Variants in RARA observed in about 807,000 individuals in gnomAD.
RARA encodes the protein retinoic acid receptor alpha.
Under a neutral mutation model 42.8 loss-of-function variants are expected in RARA, and 5 were observed. The ratio of observed to expected loss-of-function variants is 0.12; its 90% CI spans 0.06 to 0.25. RARA has a LOEUF of 0.25. Among genes scored for constraint, RARA ranks in the 10% least tolerant of loss-of-function variants. The pLI is 1.00. For synonymous variants in RARA, 256 were observed against 259.5 expected, an observed-to-expected ratio of 0.99 and a Z score of 0.13; for missense variants, 402 against 628.7, an observed-to-expected ratio of 0.64 and a Z score of 3.86.
rs1227325058 is a variant in RARA at position 40,330,968 on chromosome 17, A to C, written c.-251A>C. 7 of 461,014 alleles carry C rather than the reference A, an allele frequency of 1.5e-5. No homozygotes were observed. In the East Asian group the frequency reaches 2.2e-4, roughly 14 times the overall value. 28.6% of individuals were successfully genotyped at this position (461,014 alleles called of 1,614,324 possible). ...ACCTTCCCAGGAAAAGTGCCAGCTCACAGAACTGCTTGACCAAAGGACCGG... is the reference window on the plus strand; with the variant it reads ...ACCTTCCCAGGAAAAGTGCCAGCTCCCAGAACTGCTTGACCAAAGGACCGG... On this transcript the variant is annotated 5_prime_UTR_variant, in exon 2 of 9. Coordinates refer to ENST00000254066, the MANE Select transcript of RARA (RefSeq NM_000964.4).
In RARA at chr17:40,355,978, G is replaced by A. The variant is rs372950826; in HGVS notation, c.1172-31G>A. 1.0e-4 allele frequency: 161 copies of A among 1,565,314 alleles called. No homozygotes were observed. The highest frequency in any genetic ancestry group is 2.1e-4 in the Middle Eastern group (1 of 4,738). On this transcript the variant is annotated intron_variant, in intron 8 of 8. Coordinates refer to ENST00000254066, the MANE Select transcript of RARA (RefSeq NM_000964.4). The surrounding 1 kb of genome is among the most constrained non-coding windows in gnomAD (Gnocchi z 4.1). ...CTGGGGGTGGGAGGGCTGGCCCAGC[G>A]TGCTGACCTCTGCCCCCTCCTTTCC...
chr17:40,343,627 G>C (rs1415245475), intron 2 of RARA, among the ~76,000 whole-genome samples: 1 of 152,176 alleles, frequency 6.6e-6, no homozygotes, highest in Non-Finnish European at 1.5e-5. Flanking sequence ...TGGGGAATGA[G>C]TTTGTTTTTG....
intron 2 of RARA, among the ~76,000 whole-genome samples, chr17:40,331,900 C>T (rs578087364): frequency 9.9e-5 from 15 of 152,280 alleles, no homozygotes; most frequent in African/African-American, 2.4e-4. Flanking sequence ...GCTCCACCCC[C>T]GGCCATGCTA....
At chr17:40,339,578 G>A (rs755541073) in intron 2 of RARA, among the ~76,000 whole-genome samples, 32 of 152,184 alleles carry the variant, frequency 2.1e-4, no homozygotes, top group Non-Finnish European at 1.9e-4. Context: ...CTCCAGCTCC[G>A]GAAATCCTAT....
chr17:40,350,198 A>ATGTG, intron 4 of RARA: 1 of 460,098 alleles, frequency 2.2e-6, no homozygotes, highest in Non-Finnish European at 3.9e-6. Context: ...GTGCTTGCGT[A>ATGTG]TGTGTGTGTG....
In RARA at chr17:40,331,228, A is replaced by C. The variant is rs759886628; in HGVS notation, c.10A>C (p.Asn4His). The change falls in exon 2 of 9, where the codon AAC (asparagine) becomes CAC (histidine). Residue 4 changes from asparagine (N) to histidine (H), a missense_variant. Transcript: ENST00000254066. MAS[N>H]SSSCPTPGGG... is the part of the protein sequence containing the mutation. ...ACTGTGGCCGCTTGGCATGGCCAGC[A>C]ACAGCAGCTCCTGCCCGACACCTGG... is the stretch of plus-strand genomic sequence containing the variant. The C allele has an allele frequency of 6.8e-6, 11 of 1,611,324 alleles. No homozygotes were observed. The highest frequency in any genetic ancestry group is 8.5e-6 in the Non-Finnish European group (10 of 1,179,242).
intron 1 of RARA, among the ~76,000 whole-genome samples, chr17:40,315,189 C>CACACACACAA (rs1454556268): frequency 1.5e-4 from 21 of 143,380 alleles, no homozygotes; most frequent in African/African-American, 5.2e-4. Context: ...CACACACACA[C>CACACACACAA]ACACACGTAT....
intron 2 of RARA, among the ~76,000 whole-genome samples, chr17:40,346,822 ATTG>A (rs1287274899): frequency 1.3e-5 from 2 of 152,166 alleles, no homozygotes; most frequent in African/African-American, 4.8e-5. Context: ...CAACTGTCCC[ATTG>A]CTGCAGGCTG....
chr17:40,346,902 G>A (rs1408839557), intron 2 of RARA, among the ~76,000 whole-genome samples: 1 of 152,242 alleles, frequency 6.6e-6, no homozygotes, highest in Non-Finnish European at 1.5e-5. Context: ...CCTGGGAAGT[G>A]GTGCCCAGGC....
At chr17:40,342,096 C>A in intron 2 of RARA, 1 of 972,082 alleles carries the variant, frequency 1.0e-6, no homozygotes, top group Non-Finnish European at 1.2e-6. Flanking sequence ...CTGGACGGGG[C>A]GGGGCGGTGG....
chr17:40,349,053 G>C (rs968340436), intron 3 of RARA: 1 of 154,856 alleles, frequency 6.5e-6, no homozygotes, highest in African/African-American at 2.4e-5. Flanking sequence ...CCAGAGATTG[G>C]GGCTCAGAAT....
In RARA at chr17:40,319,830, G is replaced by C. The variant is rs376363726; in HGVS notation, c.-363+10544G>C. Among the ~76,000 whole-genome samples, 21 of 152,324 alleles carry C rather than the reference G, an allele frequency of 1.4e-4. No homozygotes were observed. The East Asian group carries it at 1.9e-3, about 14-fold the overall frequency. Reference sequence around the variant, plus strand: ...GCTTCCCCTGGAGGGGGCCGGGGGGGGCGGGTAGAGATGAGGCTGGGGGAA... The same window carrying C: ...GCTTCCCCTGGAGGGGGCCGGGGGGCGCGGGTAGAGATGAGGCTGGGGGAA... On this transcript the variant is annotated intron_variant, in intron 1 of 8. Transcript: ENST00000254066.
Position 40,355,874 on chromosome 17 carries a change from G to C in RARA, c.1172-135G>C, listed in dbSNP as rs748628635. ...CCTGGGGGCTTAAGAGAGCTGGCTC[G>C]TGTCAAAGAACTGAATCCCAAGAAA... On this transcript the variant is annotated intron_variant, in intron 8 of 8. Transcript: ENST00000254066. The surrounding 1 kb of genome is among the most constrained non-coding windows in gnomAD (Gnocchi z 4.1). The C allele has an allele frequency of 4.8e-6, 4 of 839,000 alleles. No homozygotes were observed. Among genetic ancestry groups the C allele is most frequent in the Non-Finnish European group, 7.4e-6 (4 of 542,560 alleles). The allele number at this position is 839,000 out of a possible 1,614,324, so 52.0% of individuals were successfully genotyped here. A position where few individuals can be genotyped will look rare whatever the true frequency, so the allele number is the denominator to read the frequency against.
chr17:40,316,165 C>G (rs1322786997), intron 1 of RARA, among the ~76,000 whole-genome samples: 1 of 152,158 alleles, frequency 6.6e-6, no homozygotes, highest in Non-Finnish European at 1.5e-5. Flanking sequence ...AGGAAATGCC[C>G]CAAAGATGTG....
At chr17:40,318,172 T>C (rs770345981) in intron 1 of RARA, 1 of 151,926 alleles carries the variant, frequency 6.6e-6, no homozygotes, top group African/African-American at 2.4e-5. Flanking sequence ...TGGTGATTGG[T>C]CGGTGGGCGG....
Position 40,357,327 on chromosome 17 carries a change from C to T in RARA, c.*1101C>T, listed in dbSNP as rs532360714. ...AGGGCCCCCAGACACCACACACATG[C>T]GCGTGCGCACACACACAAACACACA... On this transcript the variant is annotated 3_prime_UTR_variant, in exon 9 of 9. Transcript: ENST00000254066. 3.1e-4 allele frequency: 72 copies of T among 235,254 alleles called. 1 individual carries two copies. The highest frequency in any genetic ancestry group is 1.9e-3 in the East Asian group (32 of 16,578). The allele number at this position is 235,254 out of a possible 1,614,324, so 14.6% of individuals were successfully genotyped here.
intron 4 of RARA, chr17:40,350,634 C>G (rs760530179): frequency 1.3e-5 from 2 of 151,528 alleles, no homozygotes; most frequent in Non-Finnish European, 2.9e-5. Context: ...GCCATGGAGC[C>G]TGAGCCTTGG....
At position 40,331,393 on chromosome 17, in the gene RARA, G is replaced by A. The variant is rs774732066; in HGVS notation, c.175G>A (p.Ala59Thr). 6.2e-7 allele frequency: 1 copy of A among 1,612,606 alleles called. No homozygotes were observed. The highest frequency in any genetic ancestry group is 1.7e-5 in the Admixed American group (1 of 59,846). ...PVSGYSTPSP[A>T]TIETQSSSSE... ...TAGTGGATATAGCACACCATCCCCA[G>A]CCAGTAAGTCTGGGTGTGGGGGCTG... Residue 59 changes from alanine to threonine, a missense_variant, in exon 2 of 9, where the codon GCC becomes ACC. This residue lies in a region of RARA where 91 missense variants were observed against 105.2 expected (regional missense o/e 0.87). Transcript: ENST00000254066.
intron 1 of RARA, among the ~76,000 whole-genome samples, chr17:40,319,411 C>T (rs1163002035): frequency 6.6e-6 from 1 of 152,110 alleles, no homozygotes; most frequent in Admixed American, 6.5e-5. Flanking sequence ...GGAAGGGTAC[C>T]TCCTGCCCCC....
Sources: gnomAD v4.1 joint callset for allele counts (sites outside exome capture counted in the v4.1 genomes callset) on GRCh38, gnomAD v4.1.1 for gene constraint, gnomAD v4.1.1 regional missense constraint, Gnocchi (gnomAD v3.1) non-coding constraint, MANE v1.5 for transcripts, NCBI Gene and HGNC (gene_info 2026-07-23, HGNC 2026-07-21) for gene names.